ADAM28: variants seen among roughly 807,000 people sequenced by gnomAD.
ADAM28 encodes the protein disintegrin and metalloproteinase domain-containing protein 28.
In ADAM28, 105 loss-of-function variants were observed where a neutral mutation model predicts 101.2. That is an observed-to-expected ratio of 1.04 (90% CI 0.89 to 1.22). The LOEUF (loss-of-function observed/expected upper bound fraction) is 1.22. Among genes scored for constraint, ADAM28 ranks in the 50% most tolerant of loss-of-function variants. The pLI is 0.00. For synonymous variants in ADAM28, 322 were observed against 310.6 expected (o/e 1.04, Z -0.39); for missense variants, 1,028 against 945.4 (o/e 1.09, Z -1.15).
At chr8:24,320,421 A>G in intron 7 of ADAM28, 114 bp downstream of exon 7, 3 of 728,242 alleles carry the variant, frequency 4.1e-6, no homozygotes, top group Non-Finnish European at 2.3e-6. Flanking sequence ...AATATGAGCT[A>G]TGGTTACATG....
At chr8:24,316,863 A>G (rs528728696) in intron 6 of ADAM28, among the ~76,000 whole-genome samples, 144 of 152,220 alleles carry the variant, frequency 9.5e-4, no homozygotes, top group Admixed American at 7.7e-3. Context: ...AATAAGTTCA[A>G]TAAAGTTGCA....
intron 4 of ADAM28, 147 bp downstream of exon 4, chr8:24,310,388 A>G: frequency 1.4e-6 from 1 of 732,692 alleles, no homozygotes; most frequent in Non-Finnish European, 2.1e-6. Flanking sequence ...AATATAAAAA[A>G]AAGAAAAGTG....
intron 9 of ADAM28, among the ~76,000 whole-genome samples, chr8:24,325,890 A>AACAAACAAAC (rs1812533349): frequency 1.5e-5 from 2 of 133,944 alleles, no homozygotes; most frequent in African/African-American, 5.4e-5. Context: ...AAAAAAAAAA[A>AACAAACAAAC]AAAAAAAAAA....
rs1244693197 is a variant in ADAM28, at chr8:24,353,946, T to C, written c.2307+114T>C. 1.4e-5 allele frequency: 9 copies of C among 651,168 alleles called. No individual in the cohort carries two copies. In the African/African-American group the frequency reaches 1.5e-4, roughly 11 times the overall value. The allele number at this position is 651,168 out of a possible 1,614,324, so 40.3% of individuals were successfully genotyped here. ...CTTACTAAGAACAGTATCTGTATGA[T>C]TTGGAGATGGGTGCCAACATGAAAG... On this transcript the variant is annotated intron_variant, in intron 22 of 22. Coordinates refer to ENST00000265769, the MANE Select transcript of ADAM28 (RefSeq NM_014265.6).
chr8:24,334,488 C>T (rs1001989301), intron 13 of ADAM28, among the ~76,000 whole-genome samples: 1 of 151,802 alleles, frequency 6.6e-6, no homozygotes, highest in Non-Finnish European at 1.5e-5. Context: ...GGGCTTTCAA[C>T]TGGACTTGAA....
At position 24,294,277 on chromosome 8, in the gene ADAM28, C is replaced by T. The variant is rs1807669563; in HGVS notation, c.46+82C>T. 4.7e-6 allele frequency: 7 copies of T among 1,486,028 alleles called. No homozygotes were observed. The Admixed American group carries it at 7.1e-5, about 15-fold the overall frequency. 92.1% of individuals were successfully genotyped at this position (1,486,028 alleles called of 1,614,324 possible). ...TCTCCTAATAGTTTTATTGTATAAA[C>T]TATTTTGACTTTTTTCTTTTTCTTT... is the stretch of plus-strand genomic sequence containing the variant. On this transcript the variant is annotated intron_variant, in intron 1 of 22. Coordinates refer to ENST00000265769, the MANE Select transcript of ADAM28 (RefSeq NM_014265.6).
chr8:24,310,429 C>A (rs1047744599), intron 4 of ADAM28, 188 bp downstream of exon 4: 2 of 533,328 alleles, frequency 3.8e-6, no homozygotes, highest in Non-Finnish European at 6.3e-6. Flanking sequence ...AAAACAATTT[C>A]TTGGCAACTC....
intron 1 of ADAM28, among the ~76,000 whole-genome samples, chr8:24,299,340 T>A (rs896908231): frequency 6.6e-6 from 1 of 152,230 alleles, no homozygotes; most frequent in Admixed American, 6.5e-5. Context: ...TCTGTTTGAA[T>A]TATCTGCTTC....
At chr8:24,324,087 T>C (rs1180305354) in intron 9 of ADAM28, 84 bp downstream of exon 9, 1 of 1,311,380 alleles carries the variant, frequency 7.6e-7, no homozygotes, top group African/African-American at 1.5e-5. Context: ...GGGGTGCACA[T>C]AGAGGGGTAG....
chr8:24,305,591 A>G (rs1488999927), intron 2 of ADAM28, among the ~76,000 whole-genome samples: 4 of 151,716 alleles, frequency 2.6e-5, no homozygotes, highest in Non-Finnish European at 5.9e-5. Flanking sequence ...AATACTTGCA[A>G]AGCACATTAA....
intron 7 of ADAM28, 36 bp downstream of exon 7, chr8:24,320,343 C>T: frequency 7.6e-7 from 1 of 1,308,224 alleles, no homozygotes; most frequent in Non-Finnish European, 1.1e-6. Flanking sequence ...TCTTCCAAAA[C>T]TCCCACCCAC....
At chr8:24,308,534 G>T (rs1003512366) in intron 2 of ADAM28, 5 of 438,686 alleles carry the variant, frequency 1.1e-5, no homozygotes, top group Admixed American at 2.5e-5. Context: ...ACCATATTTG[G>T]TATCATTCTC....
At position 24,358,461 on chromosome 8, in the gene ADAM28, A is replaced by G. The variant is rs1816820728; in HGVS notation, c.*4057A>G. The G allele has an allele frequency of 6.6e-6, 1 of 152,108 alleles. No individual in the cohort carries two copies. Among genetic ancestry groups the G allele is most frequent in the South Asian group, 2.1e-4 (1 of 4,826 alleles). The allele number at this position is 152,108 out of a possible 1,614,324, so 9.4% of individuals were successfully genotyped here. On this transcript the variant is annotated 3_prime_UTR_variant, in exon 23 of 23. Transcript: ENST00000265769. The stretch of plus-strand genomic sequence containing the variant: ...TTTTCTCCTCAATTTTTTTTCTCCA[A>G]AGTGGGCCAAGCCAAGAGTGGCACA...
intron 11 of ADAM28, among the ~76,000 whole-genome samples, chr8:24,330,619 A>G (rs1813246144): frequency 6.6e-6 from 1 of 152,020 alleles, no homozygotes; most frequent in South Asian, 2.1e-4. Flanking sequence ...TATAAACTCT[A>G]TTTCCTCTTT....
chr8:24,298,888 T>A (rs1318028486), intron 1 of ADAM28, among the ~76,000 whole-genome samples: 1 of 152,176 alleles, frequency 6.6e-6, no homozygotes, highest in Non-Finnish European at 1.5e-5. Context: ...AAATTGAATC[T>A]CTCTCTCCAA....
chr8:24,320,662 A>G (rs923653268), intron 7 of ADAM28, among the ~76,000 whole-genome samples: 2 of 152,012 alleles, frequency 1.3e-5, no homozygotes, highest in South Asian at 2.1e-4. Flanking sequence ...TAGGGAGTCA[A>G]TACAAAAGCT....
chr8:24,329,875 G>A, intron 10 of ADAM28, 110 bp from the exon 11 acceptor site: 1 of 905,626 alleles, frequency 1.1e-6, no homozygotes, highest in Non-Finnish European at 1.7e-6. Flanking sequence ...GTGTTTGTGT[G>A]TGTGTGTGTG....
Position 24,335,555 on chromosome 8 carries a change from G to A in ADAM28, c.1481G>A (p.Gly494Asp), listed in dbSNP as rs892008783. Residue 494 changes from glycine to aspartate, a missense_variant, in exon 14 of 23, where the codon GGC (glycine) becomes GAC (aspartate). By Grantham distance (94) the Gly-to-Asp change is moderately conservative. Transcript: ENST00000265769. ...NCPDDRFQVN[G>D]FPCHHGKGHC... ...CCTGATGATAGATTCCAAGTCAATG[G>A]CTTCCCTTGCCATCACGGGAAGGGC... is the stretch of plus-strand genomic sequence containing the variant. The A allele has an allele frequency of 6.2e-7, 1 of 1,614,004 alleles. No individual in the cohort carries two copies.
chr8:24,326,589 C>A lies in ADAM28; in HGVS notation c.926C>A (p.Ala309Glu), dbSNP rs1164173474. The change falls in exon 10 of 23, where the codon GCA becomes GAA. Residue 309 changes from alanine (A) to glutamate (E), a missense_variant. Transcript: ENST00000265769. ...CTTGCTGGAACGACTGTGGGTCTTG[C>A]ATTTATGTCTACAATGTGTTCTCCT... ...TELAGTTVGL[A>E]FMSTMCSPYS... 6.2e-7 allele frequency: 1 copy of A among 1,612,120 alleles called. No individual in the cohort carries two copies. The highest frequency in any genetic ancestry group is 2.2e-5 in the East Asian group (1 of 44,768).
Sources: gnomAD v4.1 joint callset for allele counts (sites outside exome capture counted in the v4.1 genomes callset) on GRCh38, gnomAD v4.1.1 for gene constraint, MANE v1.5 for transcripts, NCBI Gene and HGNC (gene_info 2026-07-23, HGNC 2026-07-21) for gene names.